Variants in TENT4B observed in about 807,000 individuals in gnomAD.
TENT4B encodes PAP associated domain containing 5.
Under a neutral mutation model 75.0 loss-of-function variants are expected in TENT4B, and 10 were observed. The ratio of observed to expected loss-of-function variants is 0.13; its 90% CI spans 0.08 to 0.23. TENT4B has a LOEUF of 0.23. Among genes scored for constraint, TENT4B ranks in the 10% least tolerant of loss-of-function variants. The probability of loss-of-function intolerance (pLI) is 1.00; values close to 1 mark genes in which losing one functional copy is unlikely to be tolerated. For missense variants in TENT4B, 579 were observed against 893.8 expected, an observed-to-expected ratio of 0.65 and a Z score of 4.49; for synonymous variants, 350 against 357.7, an observed-to-expected ratio of 0.98 and a Z score of 0.24.
At chr16:50,193,467 AGCTGGGACTACAGGT>A (rs1230587678) in intron 1 of TENT4B, among the ~76,000 whole-genome samples, 1 of 151,022 alleles carries the variant, frequency 6.6e-6, no homozygotes, top group Non-Finnish European at 1.5e-5. Context: ...CCTCCCGAGT[AGCTGGGACTACAGGT>A]GCCCACCGCC....
upstream of TENT4B, among the ~76,000 whole-genome samples, chr16:50,153,277 T>TGCC (rs1555506527): frequency 7.4e-6 from 1 of 135,172 alleles, no homozygotes; most frequent in Non-Finnish European, 1.6e-5. Flanking sequence ...CGCGTCTCGC[T>TGCC]GCCGCCGCTG....
intron 3 of TENT4B, 122 bp downstream of exon 3, chr16:50,214,389 C>T: frequency 1.4e-6 from 1 of 721,552 alleles, no homozygotes; most frequent in Non-Finnish European, 2.2e-6. Flanking sequence ...GGCATGGTGG[C>T]TCATGCCTGT....
At chr16:50,177,532 ATTTC>A (rs2038333873) in intron 1 of TENT4B, among the ~76,000 whole-genome samples, 2 of 151,908 alleles carry the variant, frequency 1.3e-5, no homozygotes, top group Non-Finnish European at 2.9e-5. Flanking sequence ...CCTTCATAAT[ATTTC>A]TTTGTTTTGC....
intron 1 of TENT4B, among the ~76,000 whole-genome samples, chr16:50,194,403 C>T (rs1215731691): frequency 4.6e-5 from 7 of 151,826 alleles, no homozygotes; most frequent in South Asian, 2.1e-4. Flanking sequence ...TTTGTAGAGA[C>T]GGGGTTTCAT....
Position 50,154,146 on chromosome 16 carries a change from C to T in TENT4B, c.525C>T (p.Ser175=). 1 of 1,523,708 alleles carries T rather than the reference C, an allele frequency of 6.6e-7. No individual in the cohort carries two copies. Among genetic ancestry groups the T allele is most frequent in the East Asian group, 2.5e-5 (1 of 39,836 alleles). The allele number at this position is 1,523,708 out of a possible 1,614,324, so 94.4% of individuals were successfully genotyped here. The change falls in exon 1 of 12, where the codon AGC becomes AGT. Residue 175 remains serine (S), a synonymous_variant. Coordinates refer to ENST00000561678, the MANE Select transcript of TENT4B (RefSeq NM_001365324.3). ...NKASTYGLNY[S]LLQPSGGRAA... ...CCAGCACGTATGGACTCAACTACAG[C>T]CTGCTGCAGCCCAGCGGAGGGCGGG...
At chr16:50,205,419 A>G (rs920821229) in intron 1 of TENT4B, among the ~76,000 whole-genome samples, 2 of 151,752 alleles carry the variant, frequency 1.3e-5, no homozygotes, top group African/African-American at 2.4e-5. Flanking sequence ...AGTCTTCCTA[A>G]CTCTCCTGCC....
Position 50,231,889 on chromosome 16 carries a change from T to C in TENT4B, c.*2561T>C, listed in dbSNP as rs1288434571. 1.0e-6 allele frequency: 1 copy of C among 981,440 alleles called. No individual in the cohort carries two copies. Among genetic ancestry groups the C allele is most frequent in the East Asian group, 1.1e-4 (1 of 8,820 alleles). The allele number at this position is 981,440 out of a possible 1,614,324, so 60.8% of individuals were successfully genotyped here. ...CTATTTGACTCCTATCTTATTTCTT[T>C]TTTGAGTTTTAATACTTCCTATATT... On this transcript the variant is annotated 3_prime_UTR_variant, in exon 12 of 12. Transcript: ENST00000561678.
intron 1 of TENT4B, among the ~76,000 whole-genome samples, chr16:50,210,677 G>T (rs912670202): frequency 2.0e-5 from 3 of 152,150 alleles, no homozygotes; most frequent in Non-Finnish European, 4.4e-5. Context: ...GCCACAGGGG[G>T]AAAGCTTGAA....
chr16:50,160,059 C>T (rs1347572918), intron 1 of TENT4B, among the ~76,000 whole-genome samples: 3 of 152,012 alleles, frequency 2.0e-5, no homozygotes, highest in Admixed American at 6.6e-5. Flanking sequence ...GCCACCACAC[C>T]GGCTAATTTT....
intron 1 of TENT4B, among the ~76,000 whole-genome samples, chr16:50,193,124 A>C (rs1474645039): frequency 1.3e-5 from 2 of 152,064 alleles, no homozygotes; most frequent in African/African-American, 4.8e-5. Context: ...CAGAGGCTGG[A>C]GGTGAGCTGG....
intron 1 of TENT4B, among the ~76,000 whole-genome samples, chr16:50,187,547 C>G (rs1316347071): frequency 6.6e-6 from 1 of 152,182 alleles, no homozygotes; most frequent in Non-Finnish European, 1.5e-5. Context: ...TGTGCCACTG[C>G]ACTCCAGCCT....
In TENT4B at chr16:50,153,906, G is replaced by T; in HGVS notation, c.285G>T (p.Ala95=). Residue 95 remains alanine (A), a synonymous_variant, in exon 1 of 12, where the codon GCG becomes GCT. Transcript: ENST00000561678. ...RSGERLLGSH[A]LPAEQRDFLP... is the part of the protein sequence containing the mutation. ...GGGAGCGCCTGCTGGGCAGCCACGCGCTGCCCGCGGAGCAGCGGGACTTCC... is the reference window on the plus strand; with the variant it reads ...GGGAGCGCCTGCTGGGCAGCCACGCTCTGCCCGCGGAGCAGCGGGACTTCC... 1.3e-6 allele frequency: 2 copies of T among 1,524,640 alleles called. No individual in the cohort carries two copies. The highest frequency in any genetic ancestry group is 8.8e-7 in the Non-Finnish European group (1 of 1,142,772). The allele number at this position is 1,524,640 out of a possible 1,614,324, so 94.4% of individuals were successfully genotyped here. A position where few individuals can be genotyped will look rare whatever the true frequency, so the allele number is the denominator to read the frequency against.
At chr16:50,184,047 C>G (rs1471872508) in intron 1 of TENT4B, among the ~76,000 whole-genome samples, 1 of 152,180 alleles carries the variant, frequency 6.6e-6, no homozygotes, top group African/African-American at 2.4e-5. Context: ...AGTCGTTCCT[C>G]CTCATTTCTC....
chr16:50,207,864 C>T (rs772024153), intron 1 of TENT4B, among the ~76,000 whole-genome samples: 3 of 152,168 alleles, frequency 2.0e-5, no homozygotes, highest in Non-Finnish European at 4.4e-5. Context: ...ACTTCCAGCT[C>T]GTCAGGGTAT....
upstream of TENT4B, chr16:50,153,002 G>A (rs778986759): frequency 5.9e-6 from 9 of 1,517,386 alleles, no homozygotes; most frequent in Non-Finnish European, 7.0e-6. Context: ...CGGAGAAGCC[G>A]CGCGCGCCTC....
At chr16:50,193,037 C>G (rs1045965764) in intron 1 of TENT4B, among the ~76,000 whole-genome samples, 5 of 152,188 alleles carry the variant, frequency 3.3e-5, no homozygotes, top group African/African-American at 9.6e-5. Flanking sequence ...CCACTGCACT[C>G]TAGCCTAGGT....
chr16:50,153,600 G>A lies in TENT4B; in HGVS notation c.-22G>A. ...CCCTGCGGGCGGCCGGGAGGGGCGG[G>A]GGCAGCGGCCGCCGCCGTTTGATGG... On this transcript the variant is annotated 5_prime_UTR_variant, in exon 1 of 12. Coordinates refer to ENST00000561678, the MANE Select transcript of TENT4B (RefSeq NM_001365324.3). The A allele has an allele frequency of 1.0e-6, 1 of 1,001,846 alleles. No homozygotes were observed. 62.1% of individuals were successfully genotyped at this position (1,001,846 alleles called of 1,614,324 possible).
chr16:50,222,884 C>T (rs1338790252), intron 6 of TENT4B, among the ~76,000 whole-genome samples: 1 of 152,144 alleles, frequency 6.6e-6, no homozygotes, highest in Non-Finnish European at 1.5e-5. Context: ...TGAGTCTATT[C>T]GTGAGTCAGA....
intron 10 of TENT4B, among the ~76,000 whole-genome samples, chr16:50,227,475 C>T (rs2032107812): frequency 6.6e-6 from 1 of 152,162 alleles, no homozygotes; most frequent in African/African-American, 2.4e-5. Flanking sequence ...AGATTGAACC[C>T]CTTAAACCCA....
Sources: gnomAD v4.1 joint callset for allele counts (sites outside exome capture counted in the v4.1 genomes callset) on GRCh38, gnomAD v4.1.1 for gene constraint, MANE v1.5 for transcripts, NCBI Gene and HGNC (gene_info 2026-07-23, HGNC 2026-07-21) for gene names.